Variants in SLC36A1 observed in about 807,000 individuals in gnomAD.
The protein encoded by SLC36A1 is solute carrier family 36 member 1, also known as proton-coupled amino acid transporter 1.
A neutral mutation model predicts 47.5 loss-of-function variants in SLC36A1; 30 were observed. That is an observed-to-expected ratio of 0.63 (90% CI 0.47 to 0.86). The LOEUF is 0.86. Among genes scored for constraint, SLC36A1 ranks in the 40% least tolerant of loss-of-function variants. SLC36A1 has a pLI of 0.00. For missense variants in SLC36A1, 517 were observed against 606.0 expected, an observed-to-expected ratio of 0.85 and a Z score of 1.54; for synonymous variants, 255 against 249.7, an observed-to-expected ratio of 1.02 and a Z score of -0.20.
chr5:151,521,760 C>T, the SLC36A1 span: 6 of 1,614,084 alleles, frequency 3.7e-6, no homozygotes, highest in Middle Eastern at 3.3e-4. Flanking sequence ...CCCCAGCAGT[C>T]GTGGTGAAGG....
At chr5:151,473,792 T>G in intron 8 of SLC36A1, 21 bp downstream of exon 8, 1 of 1,570,208 alleles carries the variant, frequency 6.4e-7, no homozygotes, top group African/African-American at 1.3e-5. Context: ...CACTGTGATT[T>G]GGGCTAGTGT....
chr5:151,447,310 A>G (rs117625576), upstream of SLC36A1, among the ~76,000 whole-genome samples: 1,665 of 152,374 alleles, frequency 0.011, 68 homozygotes, highest in East Asian at 0.14. Flanking sequence ...AAACTCATCG[A>G]GATGTGTAAA....
Position 151,488,480 on chromosome 5 carries a change from A to T in SLC36A1, c.*226A>T. The T allele has an allele frequency of 1.7e-6, 1 of 581,928 alleles. No individual in the cohort carries two copies. Among genetic ancestry groups the T allele is most frequent in the Non-Finnish European group, 3.0e-6 (1 of 330,942 alleles). 36.0% of individuals were successfully genotyped at this position (581,928 alleles called of 1,614,324 possible). A position where few individuals can be genotyped will look rare whatever the true frequency, so the allele number is the denominator to read the frequency against. On this transcript the variant is annotated 3_prime_UTR_variant, in exon 11 of 11. Transcript: ENST00000243389. ...ACTAGTGACAGGGCTGCCATCGCTC[A>T]CCTGTACCTATTTACACCCAGAACT...
At chr5:151,444,485 T>G (rs1752806723), upstream of SLC36A1, among the ~76,000 whole-genome samples, 1 of 152,148 alleles carries the variant, frequency 6.6e-6, no homozygotes, top group Admixed American at 6.6e-5. Flanking sequence ...TATAAAAATA[T>G]TATTGATTTT....
chr5:151,498,090 G>A, the SLC36A1 span, among the ~76,000 whole-genome samples: 10 of 151,942 alleles, frequency 6.6e-5, no homozygotes, highest in Admixed American at 2.6e-4. Context: ...GATTACAGGC[G>A]CCTGCCACCA....
At chr5:151,463,276 C>G (rs1755826368) in intron 2 of SLC36A1, among the ~76,000 whole-genome samples, 1 of 152,138 alleles carries the variant, frequency 6.6e-6, no homozygotes, top group South Asian at 2.1e-4. Flanking sequence ...CCCCTCTGGT[C>G]TAATCTCTGA....
the SLC36A1 span, among the ~76,000 whole-genome samples, chr5:151,500,848 G>C: frequency 6.6e-6 from 1 of 152,244 alleles, no homozygotes; most frequent in African/African-American, 2.4e-5. Flanking sequence ...GGATTTACCT[G>C]AAAACCTTTA....
intron 2 of SLC36A1, among the ~76,000 whole-genome samples, chr5:151,462,570 G>A (rs1755682338): frequency 2.0e-5 from 3 of 151,748 alleles, no homozygotes; most frequent in South Asian, 2.1e-4. Context: ...TCACCATGTT[G>A]GCCAGGATAG....
At chr5:151,387,029 A>G in the SLC36A1 span, 1 of 152,302 alleles carries the variant, frequency 6.6e-6, no homozygotes, top group Non-Finnish European at 1.5e-5. Flanking sequence ...GTGGAGGGAC[A>G]GAAAAGAAGC....
chr5:151,525,794 G>A, the SLC36A1 span: 1 of 1,614,148 alleles, frequency 6.2e-7, no homozygotes, highest in Non-Finnish European at 8.5e-7. Flanking sequence ...TACCATTCCT[G>A]AGCCCTCCTG....
intron 2 of SLC36A1, chr5:151,459,818 T>TCTC (rs71274347): frequency 0.32 from 48,375 of 151,982 alleles, 8,367 homozygotes; most frequent in East Asian, 0.65. Context: ...CATGGAAGCT[T>TCTC]CTGGGCTCAT....
the SLC36A1 span, among the ~76,000 whole-genome samples, chr5:151,354,059 T>C: frequency 2.8e-4 from 43 of 152,306 alleles, no homozygotes; most frequent in Middle Eastern, 3.4e-3. Context: ...ATCCCAGCAC[T>C]TTGGAAGGCT....
chr5:151,345,270 T>C, the SLC36A1 span, among the ~76,000 whole-genome samples: 4 of 152,186 alleles, frequency 2.6e-5, no homozygotes, highest in Middle Eastern at 3.2e-3. Context: ...ACTTATTCTT[T>C]GTAAAACAAC....
chr5:151,505,755 C>G, the SLC36A1 span: 1 of 1,613,194 alleles, frequency 6.2e-7, no homozygotes, highest in East Asian at 2.2e-5. Context: ...CAGGCAGGGC[C>G]CTCCCCCTCC....
the SLC36A1 span, among the ~76,000 whole-genome samples, chr5:151,385,005 A>AGTGTGTGT: frequency 2.1e-5 from 2 of 95,712 alleles, no homozygotes; most frequent in African/African-American, 1.3e-4. Context: ...AGAGAGAGAG[A>AGTGTGTGT]GAGAGTGTGT....
chr5:151,542,222 C>T, the SLC36A1 span: 1 of 1,482,482 alleles, frequency 6.7e-7, no homozygotes, highest in Non-Finnish European at 9.1e-7. Context: ...CATTTTAGGG[C>T]ACCTCTTCCT....
At chr5:151,544,302 C>G in the SLC36A1 span, 1 of 1,614,110 alleles carries the variant, frequency 6.2e-7, no homozygotes, top group South Asian at 1.1e-5. Context: ...TGGTATAGAC[C>G]AATTGGGAAA....
At chr5:151,347,218 C>T in the SLC36A1 span, 2 of 1,555,982 alleles carry the variant, frequency 1.3e-6, no homozygotes, top group Non-Finnish European at 8.9e-7. Flanking sequence ...GAGGGTCAGA[C>T]ACACCCACCT....
the SLC36A1 span, chr5:151,529,145 T>C: frequency 6.3e-7 from 1 of 1,596,668 alleles, no homozygotes; most frequent in Non-Finnish European, 8.6e-7. Context: ...CCAGAGTTCT[T>C]GTCCCACAAA....
Sources: allele counts gnomAD v4.1 joint callset (sites outside exome capture counted in the v4.1 genomes callset), GRCh38; gene constraint gnomAD v4.1.1; transcripts MANE v1.5; gene names NCBI Gene and HGNC (gene_info 2026-07-23, HGNC 2026-07-21).